The following TMSB15B variants were observed in gnomAD, a reference collection of about 807,000 sequenced individuals.
TMSB15B encodes thymosin beta-15B.
intron 1 of TMSB15B, among the ~76,000 whole-genome samples, chrX:103,920,967 G>A (rs1232633648): frequency 8.9e-6 from 1 of 112,237 alleles, no homozygotes; most frequent in Non-Finnish European, 1.9e-5. Context: ...TTTATGTATA[G>A]TGTGGCTAGG....
At chrX:103,945,058 G>A (rs1247968086) in intron 1 of TMSB15B, among the ~76,000 whole-genome samples, 4 of 112,828 alleles carry the variant, frequency 3.5e-5, no homozygotes, top group Admixed American at 9.3e-5. Context: ...GATTACAGGC[G>A]TGAGCCACTG....
intron 1 of TMSB15B, among the ~76,000 whole-genome samples, chrX:103,943,677 A>T (rs868934876): frequency 9.0e-6 from 1 of 111,263 alleles, no homozygotes; most frequent in Non-Finnish European, 1.9e-5. Context: ...TTTTTCCTCT[A>T]CTTAAATATT....
chrX:103,937,485 T>C (rs2075001150), intron 1 of TMSB15B, among the ~76,000 whole-genome samples: 1 of 112,209 alleles, frequency 8.9e-6, no homozygotes, highest in Admixed American at 9.4e-5. Context: ...CTGATGGTAG[T>C]TTGTATTTCT....
chrX:103,922,824 C>T (rs1202995701), intron 1 of TMSB15B, among the ~76,000 whole-genome samples: 3 of 112,176 alleles, frequency 2.7e-5, no homozygotes. Context: ...GTCCCACCAA[C>T]AGTGTAAAAG....
chrX:103,929,835 A>G (rs2074979527), intron 1 of TMSB15B, among the ~76,000 whole-genome samples: 1 of 110,954 alleles, frequency 9.0e-6, no homozygotes, highest in Admixed American at 9.6e-5. Flanking sequence ...TTCACAGATA[A>G]TTGCATATTT....
In TMSB15B at chrX:103,949,476, T is replaced by A. The variant is rs1181196774; in HGVS notation, c.-720-12545T>A. Among the ~76,000 whole-genome samples the A allele has an allele frequency of 2.7e-5, 3 of 111,665 alleles. No homozygotes were observed. In the East Asian group the frequency reaches 8.4e-4, roughly 31 times the overall value. ...ATGGAGATGGTGAGAAGTGGTTGGA[T>A]TTTGGATGCATTTTGAAGTAGAGCC... On this transcript the variant is annotated intron_variant, in intron 1 of 3. Transcript: ENST00000419165.
chrX:103,942,431 G>A (rs1313915198), intron 1 of TMSB15B, among the ~76,000 whole-genome samples: 9 of 111,469 alleles, frequency 8.1e-5, no homozygotes, highest in African/African-American at 2.3e-4. Flanking sequence ...ATATTTTTGG[G>A]AAGATTTCTG....
chrX:103,933,937 G>T (rs1556320470), intron 1 of TMSB15B, among the ~76,000 whole-genome samples: 2 of 109,107 alleles, frequency 1.8e-5, no homozygotes, highest in African/African-American at 6.7e-5. Flanking sequence ...ATATGTAATG[G>T]TCAAATCAAG....
intron 1 of TMSB15B, among the ~76,000 whole-genome samples, chrX:103,935,984 T>A (rs144737428): frequency 1.1e-3 from 121 of 108,504 alleles, no homozygotes; most frequent in African/African-American, 4.0e-3. Context: ...GAAGCTGGGA[T>A]TACAGGCATG....
At chrX:103,941,725 T>C (rs2075013152) in intron 1 of TMSB15B, among the ~76,000 whole-genome samples, 1 of 112,284 alleles carries the variant, frequency 8.9e-6, no homozygotes, top group Non-Finnish European at 1.9e-5. Flanking sequence ...CCTAATGGCA[T>C]GTACCAGTTC....
At chrX:103,951,587 T>C (rs1408379927) in intron 1 of TMSB15B, among the ~76,000 whole-genome samples, 1 of 111,693 alleles carries the variant, frequency 9.0e-6, no homozygotes, top group African/African-American at 3.3e-5. Context: ...CATGTGGTTG[T>C]GAATTTTCCC....
intron 1 of TMSB15B, among the ~76,000 whole-genome samples, chrX:103,949,649 G>A (rs1157889968): frequency 1.8e-5 from 2 of 112,270 alleles, no homozygotes; most frequent in African/African-American, 6.5e-5. Context: ...CAGATCAGGA[G>A]TTCTGCCTAT....
chrX:103,953,169 G>C (rs1180750), intron 1 of TMSB15B, among the ~76,000 whole-genome samples: 35,701 of 109,724 alleles, frequency 0.33, 4,464 homozygotes, highest in Admixed American at 0.51. Flanking sequence ...GTGTGGTCCT[G>C]GGAACCCATG....
At chrX:103,935,107 T>G (rs568603436) in intron 1 of TMSB15B, among the ~76,000 whole-genome samples, 66 of 112,671 alleles carry the variant, frequency 5.9e-4, no homozygotes, top group African/African-American at 1.8e-3. Flanking sequence ...ATGAGCTTTT[T>G]TGTGTGTGTG....
intron 1 of TMSB15B, among the ~76,000 whole-genome samples, chrX:103,933,836 T>C (rs187828311): frequency 1.8e-3 from 171 of 93,939 alleles, no homozygotes; most frequent in Middle Eastern, 1.0e-2. Flanking sequence ...TTTTCTCTCT[T>C]TTTTTTTTTT....
chrX:103,935,336 C>T (rs1406936799), intron 1 of TMSB15B, among the ~76,000 whole-genome samples: 1 of 111,837 alleles, frequency 8.9e-6, no homozygotes, highest in East Asian at 2.8e-4. Context: ...TGCGGAAGCT[C>T]TTTAGTTAGT....
intron 1 of TMSB15B, among the ~76,000 whole-genome samples, chrX:103,923,096 G>T (rs1162532673): frequency 8.9e-6 from 1 of 112,025 alleles, no homozygotes; most frequent in Non-Finnish European, 1.9e-5. Context: ...GTAGATTCTG[G>T]ATATTAGCCC....
chrX:103,932,940 C>G (rs1390537293), intron 1 of TMSB15B: 1 of 111,147 alleles, frequency 9.0e-6, no homozygotes, highest in Non-Finnish European at 1.9e-5. Flanking sequence ...GAATAAAAAG[C>G]CATCACAAAA....
intron 1 of TMSB15B, among the ~76,000 whole-genome samples, chrX:103,920,724 C>T (rs1175115428): frequency 8.9e-6 from 1 of 112,481 alleles, no homozygotes; most frequent in Non-Finnish European, 1.9e-5. Flanking sequence ...AACCACAGCT[C>T]TCTGTTGCTG....
Sources: gnomAD v4.1 joint callset for allele counts (sites outside exome capture counted in the v4.1 genomes callset) on GRCh38, gnomAD v4.1.1 for gene constraint, MANE v1.5 for transcripts, NCBI Gene and HGNC (gene_info 2026-07-23, HGNC 2026-07-21) for gene names.